ABCA5: variants seen among roughly 807,000 people sequenced by gnomAD.
The protein encoded by ABCA5 is ATP binding cassette subfamily A member 5.
ABCA5 carries 163 observed loss-of-function variants against 206.0 expected under a neutral mutation model. The ratio of observed to expected loss-of-function variants is 0.79; its 90% confidence interval spans 0.70 to 0.90. The LOEUF is 0.90. Ranked by LOEUF, ABCA5 falls within the 40% of genes least tolerant of loss-of-function variation. The probability of loss-of-function intolerance (pLI) is 0.00; values close to 1 mark genes in which losing one functional copy is unlikely to be tolerated. For missense variants in ABCA5, 1,859 were observed against 1,912.9 expected (o/e 0.97, Z 0.53); for synonymous variants, 609 against 613.8 (o/e 0.99, Z 0.11).
chr17:69,264,860 C>G lies in ABCA5; in HGVS notation c.3190G>C (p.Ala1064Pro). 6.4e-7 allele frequency: 1 copy of G among 1,572,326 alleles called. No individual in the cohort carries two copies. The highest frequency in any genetic ancestry group is 2.3e-5 in the East Asian group (1 of 43,208). Reference sequence around the variant, plus strand: ...ACAACAGCTTGTCCAATCCAATATGCAGATGGCAAAAGACCTGAAAGTTTA... The same window carrying G: ...ACAACAGCTTGTCCAATCCAATATGGAGATGGCAAAAGACCTGAAAGTTTA... The part of the protein sequence containing the change: ...QLKLSGLLPS[A>P]YWIGQAVVDI... The change falls in exon 24 of 39, where the codon GCA (alanine) becomes CCA (proline). Residue 1064 changes from alanine to proline, a missense_variant. Coordinates refer to ENST00000392676, the MANE Select transcript of ABCA5 (RefSeq NM_172232.4).
chr17:69,253,898 T>C (rs1221889922), intron 32 of ABCA5, 29 bp from the exon 33 acceptor site: 8 of 1,534,076 alleles, frequency 5.2e-6, no homozygotes, highest in African/African-American at 1.4e-5. Context: ...AAAATGAGAA[T>C]ACCATGATAT....
At position 69,244,629 on chromosome 17, in the gene ABCA5, G is replaced by A. The variant is rs1057022606; in HGVS notation, c.*2908C>T. ...GAAAGAAAATAAAAAATCAATGTTA[G>A]CAAATTAAAAATACATTAAGGATAA... On this transcript the variant is annotated 3_prime_UTR_variant, in exon 39 of 39. Coordinates refer to ENST00000392676, the MANE Select transcript of ABCA5 (RefSeq NM_172232.4). 6.6e-6 allele frequency: 1 copy of A among 151,386 alleles called. No homozygotes were observed. The highest frequency in any genetic ancestry group is 2.1e-4 in the South Asian group (1 of 4,826). The allele number at this position is 151,386 out of a possible 1,614,324, so 9.4% of individuals were successfully genotyped here. A position where few individuals can be genotyped will look rare whatever the true frequency, so the allele number is the denominator to read the frequency against.
At position 69,308,283 on chromosome 17, in the gene ABCA5, T is replaced by G. The variant is rs759692169; in HGVS notation, c.555A>C (p.Ile185=). Residue 185 remains isoleucine, a synonymous_variant, in exon 5 of 39, where the codon ATA becomes ATC. Coordinates refer to ENST00000392676, the MANE Select transcript of ABCA5 (RefSeq NM_172232.4). ...VLQASIDAAI[I]QLKTNVSLWK... ...TTTCTTCCTTTATCATATTTACCTGTATAATGGCAGCATCTATGGATGCTT... is the reference window on the plus strand; with the variant it reads ...TTTCTTCCTTTATCATATTTACCTGGATAATGGCAGCATCTATGGATGCTT... The G allele has an allele frequency of 1.3e-6, 2 of 1,584,792 alleles. No individual in the cohort carries two copies. The highest frequency in any genetic ancestry group is 2.2e-5 in the South Asian group (2 of 90,058).
chr17:69,271,364 T>C (rs936747343), intron 20 of ABCA5, 75 bp from the exon 21 acceptor site: 3 of 1,409,264 alleles, frequency 2.1e-6, no homozygotes, highest in Admixed American at 2.4e-5. Context: ...AAGATAATTC[T>C]ATTTTTAGAG....
At chr17:69,283,261 G>A (rs2075415914) in intron 18 of ABCA5, among the ~76,000 whole-genome samples, 1 of 152,076 alleles carries the variant, frequency 6.6e-6, no homozygotes, top group South Asian at 2.1e-4. Context: ...TGGGATTATA[G>A]GCATGAACCA....
In ABCA5 at chr17:69,298,915, A is replaced by G. The variant is rs1270405300; in HGVS notation, c.1268-1556T>C. Among the ~76,000 whole-genome samples, 3 of 152,338 alleles carry G rather than the reference A, an allele frequency of 2.0e-5. No individual in the cohort carries two copies. The East Asian group carries it at 5.8e-4, about 29-fold the overall frequency. On this transcript the variant is annotated intron_variant, in intron 9 of 38. Coordinates refer to ENST00000392676, the MANE Select transcript of ABCA5 (RefSeq NM_172232.4). The stretch of plus-strand genomic sequence containing the variant: ...CAGAGTGGGAGAAGGTCTTCACTAT[A>G]TATATATGTTGACAAAGGACTAACA...
chr17:69,297,440 C>G, intron 9 of ABCA5, 81 bp from the exon 10 acceptor site: 3 of 1,295,836 alleles, frequency 2.3e-6, no homozygotes, highest in Non-Finnish European at 3.2e-6. Flanking sequence ...ATATGACAAC[C>G]TGCATCTAAA....
intron 19 of ABCA5, among the ~76,000 whole-genome samples, chr17:69,276,698 C>T (rs1010380597): frequency 2.6e-5 from 4 of 152,026 alleles, no homozygotes; most frequent in Admixed American, 1.3e-4. Context: ...AAATACCTAA[C>T]GTAGTGATAG....
intron 14 of ABCA5, 39 bp downstream of exon 14, chr17:69,289,137 AT>A (rs775940912): frequency 7.6e-6 from 12 of 1,572,654 alleles, no homozygotes; most frequent in Non-Finnish European, 1.0e-5. Flanking sequence ...ATTCGACATA[AT>A]TTAAAATGAG....
intron 18 of ABCA5, among the ~76,000 whole-genome samples, chr17:69,278,725 AATTT>A (rs2075359342): frequency 6.6e-6 from 1 of 152,192 alleles, no homozygotes; most frequent in South Asian, 2.1e-4. Context: ...TTGGAATAAA[AATTT>A]ATTTACGTAC....
At chr17:69,276,299 G>A (rs926154475) in intron 19 of ABCA5, among the ~76,000 whole-genome samples, 6 of 152,094 alleles carry the variant, frequency 3.9e-5, no homozygotes, top group Non-Finnish European at 8.8e-5. Context: ...ATGTTGGCCA[G>A]GATGGCCTTG....
Position 69,277,642 on chromosome 17 carries a change from C to A in ABCA5, c.2593G>T (p.Val865Leu). ...TATAAGGGTGATAATTATACTTACA[C>A]TGATCTCACTGATTTACTTTCACGT... Reference protein sequence around the residue: ...LKRESKSVRSVLLLLLIFFTV... With the variant: ...LKRESKSVRSLLLLLLIFFTV... The change falls in exon 19 of 39, where the codon GTG (valine) becomes TTG (leucine). Residue 865 changes from valine to leucine, a missense_variant and splice_region_variant. Coordinates refer to ENST00000392676, the MANE Select transcript of ABCA5 (RefSeq NM_172232.4). 1.2e-6 allele frequency: 2 copies of A among 1,607,412 alleles called. No homozygotes were observed. The highest frequency in any genetic ancestry group is 2.2e-5 in the South Asian group (2 of 89,628).
rs147672654 is a variant in ABCA5, at chr17:69,321,531, C to T, written c.-16+5521G>A. On this transcript the variant is annotated intron_variant, in intron 1 of 38. Transcript: ENST00000392676. ...GGTTTTTGGAAGAATAAGAGAAAAA[C>T]GCAGTAAAAAGATGCATGGCCTGCC... Among the ~76,000 whole-genome samples, 253 of 152,174 alleles carry T rather than the reference C, an allele frequency of 1.7e-3. 2 individuals are homozygous for T. The highest frequency in any genetic ancestry group is 5.8e-3 in the African/African-American group (243 of 41,544).
Position 69,264,858 on chromosome 17 carries a change from T to G in ABCA5, c.3192A>C (p.Ala1064=). ...QLKLSGLLPS[A]YWIGQAVVDI... ...CAACAACAGCTTGTCCAATCCAATA[T>G]GCAGATGGCAAAAGACCTGAAAGTT... Residue 1064 remains alanine, a synonymous_variant, in exon 24 of 39, where the codon GCA becomes GCC. Transcript: ENST00000392676. 3 of 1,576,330 alleles carry G rather than the reference T, an allele frequency of 1.9e-6. No homozygotes were observed. The highest frequency in any genetic ancestry group is 1.7e-6 in the Non-Finnish European group (2 of 1,163,764).
chr17:69,294,298 G>A (rs933639198), intron 11 of ABCA5, among the ~76,000 whole-genome samples: 3 of 151,964 alleles, frequency 2.0e-5, no homozygotes, highest in East Asian at 1.9e-4. Flanking sequence ...TGAGGCGGGC[G>A]AACCACCTGA....
At chr17:69,309,161 T>C in intron 4 of ABCA5, 101 bp downstream of exon 4, 13 of 939,756 alleles carry the variant, frequency 1.4e-5, no homozygotes, top group Non-Finnish European at 1.9e-5. Flanking sequence ...TAAGAATAGT[T>C]GAAAATGCCA....
At chr17:69,318,574 G>GT (rs2075837173) in intron 1 of ABCA5, among the ~76,000 whole-genome samples, 1 of 150,962 alleles carries the variant, frequency 6.6e-6, no homozygotes. Flanking sequence ...TACTTACATA[G>GT]TAAAAAAAAA....
Position 69,250,481 on chromosome 17 carries a change from C to A in ABCA5, c.4676G>T (p.Arg1559Leu). 6.2e-7 allele frequency: 1 copy of A among 1,607,904 alleles called. No homozygotes were observed. The highest frequency in any genetic ancestry group is 8.5e-7 in the Non-Finnish European group (1 of 1,177,886). The change falls in exon 36 of 39, where the codon CGT (arginine) becomes CTT (leucine). Residue 1559 changes from arginine (R) to leucine (L), a missense_variant. By Grantham distance (102) the Arg-to-Leu change is moderately radical (BLOSUM62 -2). Coordinates refer to ENST00000392676, the MANE Select transcript of ABCA5 (RefSeq NM_172232.4). ...TTCTTTAAAATTTTACCTTTCCTGACGGCTTGCATTTGGGAAAATATACTG... is the reference window on the plus strand; with the variant it reads ...TTCTTTAAAATTTTACCTTTCCTGAAGGCTTGCATTTGGGAAAATATACTG... ...EIQYIFPNAS[R>L]QESFSSILAY...
rs536979864 is a variant in ABCA5, at chr17:69,282,500, G to A, written c.2392+1453C>T. On this transcript the variant is annotated intron_variant, in intron 18 of 38. Coordinates refer to ENST00000392676, the MANE Select transcript of ABCA5 (RefSeq NM_172232.4). ...AAAATTCATGCCTCGGCCGGGCGCA[G>A]TGGCTTACACCTGTAATCCTAGCAC... 3.9e-5 allele frequency among the ~76,000 whole-genome samples: 6 copies of A among 152,298 alleles called. No homozygotes were observed. The South Asian group carries it at 1.2e-3, about 32-fold the overall frequency.
Sources: allele counts gnomAD v4.1 joint callset (sites outside exome capture counted in the v4.1 genomes callset), GRCh38; gene constraint gnomAD v4.1.1; transcripts MANE v1.5; gene names NCBI Gene and HGNC (gene_info 2026-07-23, HGNC 2026-07-21).